Variants in BCR observed in about 807,000 individuals in gnomAD.
BCR encodes the protein breakpoint cluster region protein.
A neutral mutation model predicts 138.6 loss-of-function variants in BCR; 58 were observed. The ratio of observed to expected loss-of-function variants is 0.42; its 90% CI spans 0.34 to 0.52. The LOEUF is 0.52. BCR is among the 20% of genes least tolerant of loss of function. The pLI, the probability that BCR is intolerant of heterozygous loss-of-function variation, is 0.06. For missense variants in BCR, 1,599 were observed against 1,727.2 expected, an observed-to-expected ratio of 0.93 and a Z score of 1.32; for synonymous variants, 786 against 730.1, an observed-to-expected ratio of 1.08 and a Z score of -1.23.
At chr22:23,207,816 G>T (rs1358370728) in intron 1 of BCR, among the ~76,000 whole-genome samples, 1 of 152,174 alleles carries the variant, frequency 6.6e-6, no homozygotes, top group African/African-American at 2.4e-5. Context: ...GGGTGGTCTG[G>T]TGTTGACCCC....
intron 1 of BCR, among the ~76,000 whole-genome samples, chr22:23,246,278 A>AT (rs2073156290): frequency 2.0e-5 from 3 of 152,220 alleles, no homozygotes; most frequent in Admixed American, 1.3e-4. Flanking sequence ...GAAAAAAAAA[A>AT]TTATTTTAGC....
chr22:23,263,178 G>T, intron 4 of BCR: 1 of 830,878 alleles, frequency 1.2e-6, no homozygotes. Context: ...GGCGGCTCGG[G>T]AGTCAGCCGC....
intron 1 of BCR, among the ~76,000 whole-genome samples, chr22:23,194,253 A>G (rs766712480): frequency 6.6e-6 from 1 of 152,120 alleles, no homozygotes; most frequent in African/African-American, 2.4e-5. Flanking sequence ...AATTGTCCAC[A>G]TTTGTTTTTG....
chr22:23,261,119 T>C, intron 3 of BCR, 65 bp downstream of exon 3: 2 of 1,508,418 alleles, frequency 1.3e-6, no homozygotes, highest in Admixed American at 1.8e-5. Flanking sequence ...GGGGAGCCTC[T>C]TTGCCCTTAA....
chr22:23,256,543 T>G (rs1470776134), intron 2 of BCR, among the ~76,000 whole-genome samples: 2 of 152,158 alleles, frequency 1.3e-5, no homozygotes, highest in African/African-American at 4.8e-5. Context: ...CAATGTCCAG[T>G]CTGTTGGTAA....
intron 1 of BCR, among the ~76,000 whole-genome samples, chr22:23,193,510 G>A (rs1406897954): frequency 6.6e-6 from 1 of 152,146 alleles, no homozygotes; most frequent in East Asian, 1.9e-4. Context: ...GCATAATTTA[G>A]TATGGACATT....
chr22:23,213,463 G>A (rs1201656115), intron 1 of BCR, among the ~76,000 whole-genome samples: 1 of 152,206 alleles, frequency 6.6e-6, no homozygotes, highest in Non-Finnish European at 1.5e-5. Flanking sequence ...CCTGTGCACT[G>A]AGCATGTCAT....
intron 1 of BCR, among the ~76,000 whole-genome samples, chr22:23,192,586 C>T (rs151237365): frequency 8.5e-5 from 13 of 152,306 alleles, no homozygotes; most frequent in Admixed American, 2.0e-4. Context: ...CATGTTTCCC[C>T]TCTCATTTTG....
At chr22:23,258,120 T>TC (rs1393830448) in intron 2 of BCR, among the ~76,000 whole-genome samples, 2 of 151,274 alleles carry the variant, frequency 1.3e-5, no homozygotes, top group Non-Finnish European at 2.9e-5. Context: ...TTGATGGCTG[T>TC]CCCCCCCACA....
chr22:23,272,724 T>C (rs1435843849), intron 6 of BCR, among the ~76,000 whole-genome samples: 1 of 152,124 alleles, frequency 6.6e-6, no homozygotes, highest in Admixed American at 6.5e-5. Flanking sequence ...CCCTCTGGGC[T>C]GGGGAGCAGG....
At position 23,285,306 on chromosome 22, in the gene BCR, T is replaced by C. The variant is rs1406337284; in HGVS notation, c.2406+105T>C. 6.3e-6 allele frequency: 8 copies of C among 1,266,572 alleles called. No individual in the cohort carries two copies. The East Asian group carries it at 2.0e-4, about 32-fold the overall frequency. The allele number at this position is 1,266,572 out of a possible 1,614,324, so 78.5% of individuals were successfully genotyped here. On this transcript the variant is annotated intron_variant, in intron 10 of 22. Transcript: ENST00000305877. ...CTCCGTCAGGCCTCTGGGCCCCAGG[T>C]CTGGTCTCTGGGACCCCTGTAAGCT...
At chr22:23,251,143 C>T (rs535329191) in intron 1 of BCR, 1 of 152,528 alleles carries the variant, frequency 6.6e-6, no homozygotes, top group East Asian at 1.9e-4. Context: ...CAGACCCAGC[C>T]TCTTCCTGGA....
At chr22:23,279,032 T>C (rs1482726288) in intron 8 of BCR, among the ~76,000 whole-genome samples, 3 of 152,194 alleles carry the variant, frequency 2.0e-5, no homozygotes, top group Admixed American at 2.0e-4. Flanking sequence ...AGCTGTTTCT[T>C]CTCCAGGAAG....
At chr22:23,301,168 C>T (rs901069143) in intron 16 of BCR, among the ~76,000 whole-genome samples, 24 of 152,214 alleles carry the variant, frequency 1.6e-4, no homozygotes, top group African/African-American at 5.5e-4. Context: ...TAGCCAGGCG[C>T]GATGGCGCAT....
intron 4 of BCR, chr22:23,264,427 G>A: frequency 1.4e-6 from 1 of 708,654 alleles, no homozygotes; most frequent in South Asian, 1.6e-5. Context: ...TGCATGAAGG[G>A]TGCAGTGATA....
At position 23,304,386 on chromosome 22, in the gene BCR, G is replaced by A. The variant is rs2146321842; in HGVS notation, c.3013-5038G>A. ...TTCCTCCACTTACCATTATGTTTTTGAGGTTTATTCATGTGGTAGCATTGT... is the reference window on the plus strand; with the variant it reads ...TTCCTCCACTTACCATTATGTTTTTAAGGTTTATTCATGTGGTAGCATTGT... On this transcript the variant is annotated intron_variant, in intron 16 of 22. Coordinates refer to ENST00000305877, the MANE Select transcript of BCR (RefSeq NM_004327.4). Among the ~76,000 whole-genome samples the A allele has an allele frequency of 2.0e-5, 3 of 152,102 alleles. 1 individual carries two copies. The South Asian group carries it at 6.2e-4, about 32-fold the overall frequency.
intron 1 of BCR, among the ~76,000 whole-genome samples, chr22:23,243,439 A>G (rs2073120380): frequency 6.6e-6 from 1 of 152,094 alleles, no homozygotes; most frequent in Non-Finnish European, 1.5e-5. Context: ...CCATGAAAAC[A>G]CTACACAGTG....
chr22:23,182,328 G>A lies in BCR; in HGVS notation c.1279+89G>A, dbSNP rs901295805. On this transcript the variant is annotated intron_variant, in intron 1 of 22. Transcript: ENST00000305877. ...GGGGATACAAAACAGAAGTTGGGAG[G>A]GAGGAGTGGATAGTTTTGAGTGTAT... 3.0e-5 allele frequency: 41 copies of A among 1,385,032 alleles called. 1 individual carries two copies. The South Asian group carries it at 6.1e-4, about 21-fold the overall frequency. 85.8% of individuals were successfully genotyped at this position (1,385,032 alleles called of 1,614,324 possible).
At chr22:23,266,643 G>A (rs1009183338) in intron 4 of BCR, among the ~76,000 whole-genome samples, 5 of 152,218 alleles carry the variant, frequency 3.3e-5, no homozygotes, top group African/African-American at 1.2e-4. Context: ...GCCTGCCTCG[G>A]CCTCCCAAAG....
Sources: allele counts gnomAD v4.1 joint callset (sites outside exome capture counted in the v4.1 genomes callset), GRCh38; gene constraint gnomAD v4.1.1; transcripts MANE v1.5; gene names NCBI Gene and HGNC (gene_info 2026-07-23, HGNC 2026-07-21).